LRRTM4: variants seen among roughly 807,000 people sequenced by gnomAD.
LRRTM4 encodes leucine rich repeat transmembrane neuronal 4.
In LRRTM4, 25 loss-of-function variants were observed where a neutral mutation model predicts 47.6. The observed-to-expected ratio is 0.53, with a 90% CI of 0.38 to 0.73. The LOEUF (loss-of-function observed/expected upper bound fraction) is 0.73, where lower values mean the gene tolerates loss of function less well. Ranked by LOEUF, LRRTM4 falls within the 30% of genes least tolerant of loss-of-function variation. The probability of loss-of-function intolerance (pLI) is 0.00; values close to 1 mark genes in which losing one functional copy is unlikely to be tolerated. For missense variants in LRRTM4, 638 were observed against 713.4 expected (o/e 0.89, Z 1.20); for synonymous variants, 311 against 269.5 (o/e 1.15, Z -1.51).
chr2:77,275,896 A>G (rs1243374185), intron 3 of LRRTM4, among the ~76,000 whole-genome samples: 2 of 152,098 alleles, frequency 1.3e-5, no homozygotes, highest in African/African-American at 4.8e-5. Flanking sequence ...AAAGTATTCA[A>G]TTTTTATGAT....
intron 3 of LRRTM4, among the ~76,000 whole-genome samples, chr2:77,075,328 T>C (rs1043231396): frequency 6.6e-6 from 1 of 152,216 alleles, no homozygotes; most frequent in Admixed American, 6.5e-5. Context: ...TGGAAGTCTG[T>C]GTCAGTCTGT....
intron 3 of LRRTM4, among the ~76,000 whole-genome samples, chr2:77,480,823 GAGAGAGAGAGAGAGA>G (rs1460351994): frequency 0.037 from 905 of 24,356 alleles, 2 homozygotes; most frequent in African/African-American, 0.061. Flanking sequence ...TGTGTGTGTG[GAGAGAGAGAGAGAGA>G]GAGAGAGAGA....
intron 3 of LRRTM4, among the ~76,000 whole-genome samples, chr2:77,044,282 A>T (rs1379112720): frequency 2.0e-5 from 3 of 151,748 alleles, no homozygotes; most frequent in African/African-American, 7.2e-5. Flanking sequence ...AATAAAATTA[A>T]ACATACACTA....
intron 3 of LRRTM4, among the ~76,000 whole-genome samples, chr2:76,764,467 TA>T: frequency 6.6e-6 from 1 of 152,078 alleles, no homozygotes. Context: ...CTGTCTCTAC[TA>T]AAAATGCAAA....
At chr2:77,042,825 A>G (rs897425876) in intron 3 of LRRTM4, among the ~76,000 whole-genome samples, 60 of 151,818 alleles carry the variant, frequency 4.0e-4, no homozygotes, top group African/African-American at 1.4e-3. Flanking sequence ...TTACCTCCTC[A>G]ACCAACTTTC....
chr2:77,440,290 T>C (rs1380920044), intron 3 of LRRTM4, among the ~76,000 whole-genome samples: 2 of 152,014 alleles, frequency 1.3e-5, no homozygotes, highest in East Asian at 1.9e-4. Context: ...GGCGGGCGCC[T>C]GTAGTCCCAG....
At chr2:77,438,206 G>A (rs1279598271) in intron 3 of LRRTM4, among the ~76,000 whole-genome samples, 29 of 151,906 alleles carry the variant, frequency 1.9e-4, no homozygotes, top group Non-Finnish European at 3.8e-4. Context: ...TTATAGCTCT[G>A]AATTAAAACG....
chr2:76,974,531 T>C (rs955642172), intron 3 of LRRTM4, among the ~76,000 whole-genome samples: 3 of 139,350 alleles, frequency 2.2e-5, no homozygotes, highest in Non-Finnish European at 4.7e-5. Context: ...TACACACATA[T>C]AGTGTATATG....
intron 3 of LRRTM4, among the ~76,000 whole-genome samples, chr2:77,370,848 C>T (rs2103768462): frequency 6.6e-6 from 1 of 151,740 alleles, no homozygotes; most frequent in African/African-American, 2.4e-5. Flanking sequence ...AGTCACAGCT[C>T]TTTAGTGACA....
intron 3 of LRRTM4, chr2:77,517,223 T>C (rs1253531558): frequency 2.5e-5 from 25 of 984,920 alleles, no homozygotes; most frequent in Non-Finnish European, 2.9e-5. Context: ...AGTGATCTTT[T>C]AAATTAAATA....
At chr2:76,921,281 AT>A (rs2103808354) in intron 3 of LRRTM4, among the ~76,000 whole-genome samples, 1 of 152,146 alleles carries the variant, frequency 6.6e-6, no homozygotes, top group Non-Finnish European at 1.5e-5. Flanking sequence ...TGTTTTTCTG[AT>A]GATTAGGCTG....
intron 3 of LRRTM4, among the ~76,000 whole-genome samples, chr2:76,787,171 T>C (rs1339080474): frequency 2.0e-5 from 3 of 151,980 alleles, no homozygotes; most frequent in Non-Finnish European, 4.4e-5. Flanking sequence ...AATACATCTC[T>C]AATGGAAAAA....
At chr2:76,753,876 A>T (rs1672934212) in intron 3 of LRRTM4, among the ~76,000 whole-genome samples, 1 of 152,116 alleles carries the variant, frequency 6.6e-6, no homozygotes, top group South Asian at 2.1e-4. Flanking sequence ...CGATATTGTG[A>T]CCCTCTTTTC....
intron 3 of LRRTM4, among the ~76,000 whole-genome samples, chr2:77,046,335 A>G (rs534929008): frequency 1.3e-5 from 2 of 152,128 alleles, no homozygotes; most frequent in South Asian, 4.1e-4. Flanking sequence ...ACAATTTTTA[A>G]CACACGGCCA....
rs570852735 is a variant in LRRTM4 at position 77,438,693 on chromosome 2, A to G, written c.1551+79625T>C. Among the ~76,000 whole-genome samples, 10 of 152,326 alleles carry G rather than the reference A, an allele frequency of 6.6e-5. No individual in the cohort carries two copies. In the South Asian group the frequency reaches 1.2e-3, roughly 19 times the overall value. ...AGGGCTGGGATTACAGGCGTGAGCCAACGTGCCCGGCGGATAATGATAATT... is the reference window on the plus strand; with the variant it reads ...AGGGCTGGGATTACAGGCGTGAGCCGACGTGCCCGGCGGATAATGATAATT... On this transcript the variant is annotated intron_variant, in intron 3 of 3. Coordinates refer to ENST00000409884, the MANE Select transcript of LRRTM4 (RefSeq NM_001134745.3).
chr2:76,849,944 G>A (rs188191589), intron 3 of LRRTM4, among the ~76,000 whole-genome samples: 1 of 152,208 alleles, frequency 6.6e-6, no homozygotes, highest in Admixed American at 6.5e-5. Flanking sequence ...GTTGATTGGT[G>A]GAGTGAAGTG....
intron 3 of LRRTM4, among the ~76,000 whole-genome samples, chr2:77,053,327 G>T (rs2103778782): frequency 6.6e-6 from 1 of 152,116 alleles, no homozygotes; most frequent in African/African-American, 2.4e-5. Context: ...AGTTTAATAA[G>T]ACAACAATGC....
chr2:76,750,282 A>T (rs72917757), intron 3 of LRRTM4, among the ~76,000 whole-genome samples: 1 of 152,180 alleles, frequency 6.6e-6, no homozygotes, highest in Non-Finnish European at 1.5e-5. Flanking sequence ...CACCAGCACT[A>T]GCACCAGAGA....
chr2:76,939,457 A>G (rs1675062888), intron 3 of LRRTM4, among the ~76,000 whole-genome samples: 2 of 152,066 alleles, frequency 1.3e-5, no homozygotes, highest in South Asian at 4.1e-4. Flanking sequence ...TCCACATTCC[A>G]TTGGTGAAAA....
Sources: allele counts gnomAD v4.1 joint callset (sites outside exome capture counted in the v4.1 genomes callset), GRCh38; gene constraint gnomAD v4.1.1; transcripts MANE v1.5; gene names NCBI Gene and HGNC (gene_info 2026-07-23, HGNC 2026-07-21).